The following VGLL4 variants were observed in gnomAD, a reference collection of about 807,000 sequenced individuals.
The protein encoded by VGLL4 is transcription cofactor vestigial-like protein 4.
In VGLL4, 7 loss-of-function variants were observed where a neutral mutation model predicts 21.0. The observed-to-expected ratio is 0.33, with a 90% confidence interval of 0.19 to 0.63. The LOEUF is 0.63. Among genes scored for constraint, VGLL4 ranks in the 20% least tolerant of loss-of-function variants. VGLL4 has a pLI of 0.78. For synonymous variants in VGLL4, 222 were observed against 173.2 expected (o/e 1.28, Z -2.21); for missense variants, 394 against 425.7 (o/e 0.93, Z 0.66).
chr3:11,614,992 T>C (rs140097187), intron 1 of VGLL4, among the ~76,000 whole-genome samples: 172 of 152,338 alleles, frequency 1.1e-3, no homozygotes, highest in African/African-American at 3.9e-3. Flanking sequence ...ATAAGCATTT[T>C]TGTCAGTTTG....
At chr3:11,646,068 GAAGT>G (rs1292819571), upstream of VGLL4, among the ~76,000 whole-genome samples, 4 of 152,192 alleles carry the variant, frequency 2.6e-5, no homozygotes, top group Non-Finnish European at 5.9e-5. Context: ...GACATCAGGG[GAAGT>G]AAGTAATAGG....
chr3:11,678,654 C>G (rs756911483), intron 2 of VGLL4, among the ~76,000 whole-genome samples: 3 of 152,134 alleles, frequency 2.0e-5, no homozygotes, highest in African/African-American at 7.2e-5. Flanking sequence ...GATCGCACCA[C>G]GGCACTACAG....
At chr3:11,589,739 G>A (rs9848892) in intron 2 of VGLL4, among the ~76,000 whole-genome samples, 13 of 152,068 alleles carry the variant, frequency 8.5e-5, no homozygotes, top group African/African-American at 2.9e-4. Flanking sequence ...TGGTGAGGGC[G>A]CTTTTCCCGG....
intron 2 of VGLL4, among the ~76,000 whole-genome samples, chr3:11,590,899 C>T (rs2074479210): frequency 3.3e-5 from 5 of 152,158 alleles, no homozygotes. Context: ...ATAGCCACAC[C>T]TAGCCAAATT....
At chr3:11,575,221 C>A (rs560305920) in intron 2 of VGLL4, among the ~76,000 whole-genome samples, 108 of 152,270 alleles carry the variant, frequency 7.1e-4, no homozygotes, top group African/African-American at 2.5e-3. Context: ...GTCTGTGGTG[C>A]GAGAGGGAAG....
chr3:11,661,001 G>A (rs2076029218), intron 2 of VGLL4, among the ~76,000 whole-genome samples: 1 of 152,130 alleles, frequency 6.6e-6, no homozygotes, highest in Admixed American at 6.6e-5. Context: ...GTGGCTGTGG[G>A]GCTGAATTGT....
chr3:11,666,632 A>G (rs1012704230), intron 2 of VGLL4, among the ~76,000 whole-genome samples: 1 of 152,192 alleles, frequency 6.6e-6, no homozygotes, highest in Non-Finnish European at 1.5e-5. Context: ...ATCGAGGATG[A>G]CTGTAAACTT....
chr3:11,690,654 A>C (rs1208913807), intron 2 of VGLL4, among the ~76,000 whole-genome samples: 1 of 152,192 alleles, frequency 6.6e-6, no homozygotes, highest in Non-Finnish European at 1.5e-5. Flanking sequence ...GAGAGAAAAA[A>C]AAACACATAT....
rs73812495 is a variant in VGLL4 at position 11,581,399 on chromosome 3, T to C, written c.273-16380A>G. 3.5e-3 allele frequency among the ~76,000 whole-genome samples: 534 copies of C among 152,176 alleles called. 4 individuals carry two copies. The highest frequency in any genetic ancestry group is 0.012 in the African/African-American group (512 of 41,510). ...TTCTCTTTAATGGCCAGAAAGTGCATTTCTCGAATGATGAAACTAAAACCC... is the reference window on the plus strand; with the variant it reads ...TTCTCTTTAATGGCCAGAAAGTGCACTTCTCGAATGATGAAACTAAAACCC... On this transcript the variant is annotated intron_variant, in intron 2 of 4. Coordinates refer to ENST00000430365, the MANE Select transcript of VGLL4 (RefSeq NM_001128219.3).
chr3:11,648,147 C>CT (rs1316304867), upstream of VGLL4, among the ~76,000 whole-genome samples: 1 of 152,124 alleles, frequency 6.6e-6, no homozygotes, highest in African/African-American at 2.4e-5. Flanking sequence ...AAAGCTAGTT[C>CT]TTTTTCTACG....
At position 11,643,670 on chromosome 3, in the gene VGLL4, A is replaced by T; in HGVS notation, c.-152T>A. The T allele has an allele frequency of 7.6e-6, 2 of 263,316 alleles. No individual in the cohort carries two copies. Among genetic ancestry groups the T allele is most frequent in the Non-Finnish European group, 1.1e-5 (2 of 185,188 alleles). 16.3% of individuals were successfully genotyped at this position (263,316 alleles called of 1,614,324 possible). On this transcript the variant is annotated 5_prime_UTR_variant, in exon 1 of 5. Transcript: ENST00000430365. ...TATCAAAACAAAGTATGCAAAAGTT[A>T]AAAAAAAAAAAATCAGGCACAAAAA...
intron 1 of VGLL4, among the ~76,000 whole-genome samples, chr3:11,624,992 G>A: frequency 6.6e-6 from 1 of 152,184 alleles, no homozygotes; most frequent in East Asian, 1.9e-4. Context: ...ATGCTCTTTA[G>A]GGGATCTGCA....
At chr3:11,620,993 G>T (rs2075256428) in intron 1 of VGLL4, among the ~76,000 whole-genome samples, 1 of 152,142 alleles carries the variant, frequency 6.6e-6, no homozygotes, top group African/African-American at 2.4e-5. Flanking sequence ...CACAAAGCCT[G>T]GCACTCAGGT....
chr3:11,564,772 G>A (rs938410460), intron 3 of VGLL4, 25 bp downstream of exon 3: 27 of 1,518,590 alleles, frequency 1.8e-5, no homozygotes, highest in African/African-American at 5.8e-5. Context: ...GACTCCCCAC[G>A]CCACCCTCCC....
At chr3:11,676,962 G>A (rs1440744014) in intron 2 of VGLL4, among the ~76,000 whole-genome samples, 2 of 152,038 alleles carry the variant, frequency 1.3e-5, no homozygotes, top group African/African-American at 2.4e-5. Context: ...AAAAATAAAA[G>A]TCATGCGTAA....
chr3:11,573,205 GAAGA>G (rs2073842893), intron 2 of VGLL4, among the ~76,000 whole-genome samples: 1 of 145,550 alleles, frequency 6.9e-6, no homozygotes, highest in Non-Finnish European at 1.5e-5. Flanking sequence ...AGAAAGAAAA[GAAGA>G]GAGAGAGAGA....
chr3:11,585,729 G>A (rs976398530), intron 2 of VGLL4, among the ~76,000 whole-genome samples: 1 of 152,214 alleles, frequency 6.6e-6, no homozygotes, highest in Non-Finnish European at 1.5e-5. Flanking sequence ...CAGGCATGAG[G>A]TGTTTAATTT....
intron 2 of VGLL4, among the ~76,000 whole-genome samples, chr3:11,687,598 C>G (rs7610854): frequency 6.6e-6 from 1 of 151,968 alleles, no homozygotes; most frequent in Non-Finnish European, 1.5e-5. Context: ...GTGTGAGGCA[C>G]TGTACCCGGC....
In VGLL4 at chr3:11,673,991, G is replaced by A. The variant is rs367837688; in HGVS notation, c.64+28980C>T. On this transcript the variant is annotated intron_variant, in intron 2 of 5. Transcript: ENST00000273038. The stretch of plus-strand genomic sequence containing the variant: ...CGCGCCACTGCACTCCAGCCTGGGT[G>A]ACAGAGCGAGACTTTGTCTCAAAAA... Among the ~76,000 whole-genome samples the A allele has an allele frequency of 1.9e-3, 238 of 124,412 alleles. 1 individual carries two copies. Among genetic ancestry groups the A allele is most frequent in the African/African-American group, 7.1e-3 (231 of 32,758 alleles). The allele number at this position is 124,412 out of a possible 152,430, so 81.6% of individuals were successfully genotyped here.
Sources: gnomAD v4.1 joint callset for allele counts (sites outside exome capture counted in the v4.1 genomes callset) on GRCh38, gnomAD v4.1.1 for gene constraint, MANE v1.5 for transcripts, NCBI Gene and HGNC (gene_info 2026-07-23, HGNC 2026-07-21) for gene names.